STARD13: variants seen among roughly 807,000 people sequenced by gnomAD.
STARD13 encodes the protein stAR-related lipid transfer protein 13.
STARD13 carries 62 observed loss-of-function variants against 106.4 expected under a neutral mutation model. The observed-to-expected ratio is 0.58, with a 90% CI of 0.48 to 0.72. The LOEUF (loss-of-function observed/expected upper bound fraction) is 0.72. Ranked by LOEUF, STARD13 falls within the 30% of genes least tolerant of loss-of-function variation. The pLI is 0.00. For missense variants in STARD13, 1,387 were observed against 1,424.0 expected, an observed-to-expected ratio of 0.97 and a Z score of 0.42; for synonymous variants, 565 against 553.0, an observed-to-expected ratio of 1.02 and a Z score of -0.31.
chr13:33,336,973 C>G (rs185710649), intron 1 of STARD13, among the ~76,000 whole-genome samples: 9 of 152,012 alleles, frequency 5.9e-5, no homozygotes, highest in Admixed American at 5.9e-4. Flanking sequence ...CATAATACTT[C>G]ACATTAAATA....
In STARD13 at chr13:33,220,232, T is replaced by C. The variant is rs183351027; in HGVS notation, c.170-52610A>G. ...AGCAAACTGAATGGCTAGAAAACTT[T>C]ACACAATAATAAGGGAATGAATTTC... On this transcript the variant is annotated intron_variant, in intron 1 of 13. Coordinates refer to ENST00000336934, the MANE Select transcript of STARD13 (RefSeq NM_178006.4). 1.0e-3 allele frequency among the ~76,000 whole-genome samples: 154 copies of C among 151,280 alleles called. No individual in the cohort carries two copies. In the East Asian group the frequency reaches 0.012, roughly 12 times the overall value.
the STARD13 span, among the ~76,000 whole-genome samples, chr13:33,380,028 C>T: frequency 6.6e-6 from 1 of 152,206 alleles, no homozygotes; most frequent in East Asian, 1.9e-4. Flanking sequence ...AAAATAAATG[C>T]ATGCAAGACA....
intron 1 of STARD13, among the ~76,000 whole-genome samples, chr13:33,226,542 C>T (rs999798138): frequency 1.3e-5 from 2 of 148,718 alleles, no homozygotes; most frequent in East Asian, 4.0e-4. Context: ...TCAAGTGATT[C>T]TGCTGCCTTG....
At position 33,184,393 on chromosome 13, in the gene STARD13, G is replaced by A. The variant is rs894627324; in HGVS notation, c.170-16771C>T. On this transcript the variant is annotated intron_variant, in intron 1 of 13. Coordinates refer to ENST00000336934, the MANE Select transcript of STARD13 (RefSeq NM_178006.4). Reference sequence around the variant, plus strand: ...CTGCTGCTGCTGATGGTTGATGGCCGTTGTTGATTTTCAGAGAAAGAAAAG... The same window carrying A: ...CTGCTGCTGCTGATGGTTGATGGCCATTGTTGATTTTCAGAGAAAGAAAAG... 7.9e-5 allele frequency among the ~76,000 whole-genome samples: 12 copies of A among 152,158 alleles called. 1 individual carries two copies. The highest frequency in any genetic ancestry group is 7.2e-4 in the Admixed American group (11 of 15,264).
In STARD13 at chr13:33,211,230, T is replaced by G. The variant is rs571198511; in HGVS notation, c.170-43608A>C. 2.6e-3 allele frequency among the ~76,000 whole-genome samples: 394 copies of G among 151,138 alleles called. 4 individuals are homozygous for G. Among genetic ancestry groups the G allele is most frequent in the African/African-American group, 9.2e-3 (383 of 41,430 alleles). On this transcript the variant is annotated intron_variant, in intron 1 of 13. Coordinates refer to ENST00000336934, the MANE Select transcript of STARD13 (RefSeq NM_178006.4). ...AATATTACATAAAACATGAAAGATATTAAAATAAAAATATTATTTAAAATA... is the reference window on the plus strand; with the variant it reads ...AATATTACATAAAACATGAAAGATAGTAAAATAAAAATATTATTTAAAATA...
At chr13:33,645,688 C>G in the STARD13 span, among the ~76,000 whole-genome samples, 7 of 152,160 alleles carry the variant, frequency 4.6e-5, no homozygotes, top group Non-Finnish European at 8.8e-5. Context: ...GCCATGTGAA[C>G]AGCAGGTGTT....
chr13:33,654,954 A>T, the STARD13 span: 3 of 152,318 alleles, frequency 2.0e-5, no homozygotes, highest in East Asian at 5.8e-4. Flanking sequence ...TCATGGTGTG[A>T]CTTATTTCTC....
At chr13:33,574,280 C>T in the STARD13 span, among the ~76,000 whole-genome samples, 5 of 152,058 alleles carry the variant, frequency 3.3e-5, no homozygotes, top group Non-Finnish European at 5.9e-5. Context: ...ATATAAAAAT[C>T]GACAAACTTT....
At position 33,255,106 on chromosome 13, in the gene STARD13, C is replaced by A. The variant is rs866111790; in HGVS notation, c.169+30364G>T. On this transcript the variant is annotated intron_variant, in intron 1 of 13. Transcript: ENST00000336934. ...CCTGTCCATCTGTGTGCTCCCCCCCCCCTCAGAGGCTTGATCAGGTTCAGA... is the reference window on the plus strand; with the variant it reads ...CCTGTCCATCTGTGTGCTCCCCCCCACCTCAGAGGCTTGATCAGGTTCAGA... 2.9e-3 allele frequency among the ~76,000 whole-genome samples: 419 copies of A among 144,958 alleles called. 1 individual carries two copies. Among genetic ancestry groups the A allele is most frequent in the Admixed American group, 5.6e-3 (84 of 15,012 alleles).
the STARD13 span, among the ~76,000 whole-genome samples, chr13:33,445,604 C>T: frequency 6.6e-6 from 1 of 151,850 alleles, no homozygotes; most frequent in Non-Finnish European, 1.5e-5. Context: ...ATACCTGAGG[C>T]TATATATATA....
chr13:33,419,724 C>G, the STARD13 span, among the ~76,000 whole-genome samples: 1 of 152,166 alleles, frequency 6.6e-6, no homozygotes, highest in Non-Finnish European at 1.5e-5. Flanking sequence ...CGGGTTACCC[C>G]CAAAGGGAAG....
At chr13:33,125,593 T>G (rs1305144375) in intron 7 of STARD13, among the ~76,000 whole-genome samples, 1 of 151,942 alleles carries the variant, frequency 6.6e-6, no homozygotes, top group Non-Finnish European at 1.5e-5. Context: ...TGCACATTTT[T>G]AAAAGATGTA....
At chr13:33,261,878 C>T (rs1008326678) in intron 1 of STARD13, among the ~76,000 whole-genome samples, 10 of 152,120 alleles carry the variant, frequency 6.6e-5, no homozygotes, top group South Asian at 4.1e-4. Context: ...ACTGTATGCA[C>T]GGGTTGCTTG....
At chr13:33,378,150 C>T in the STARD13 span, among the ~76,000 whole-genome samples, 2 of 152,250 alleles carry the variant, frequency 1.3e-5, no homozygotes, top group East Asian at 3.9e-4. Flanking sequence ...GTGGTGTTCT[C>T]AGGGAAGTGG....
At chr13:33,185,935 C>G (rs754825496) in intron 1 of STARD13, 4 of 1,614,242 alleles carry the variant, frequency 2.5e-6, no homozygotes, top group Non-Finnish European at 2.5e-6. Context: ...CAGACAGTGT[C>G]TTTGCATTCT....
the STARD13 span, among the ~76,000 whole-genome samples, chr13:33,541,335 C>T: frequency 6.6e-6 from 1 of 152,154 alleles, no homozygotes; most frequent in African/African-American, 2.4e-5. Context: ...CAGCTCTGAC[C>T]TCTTTCACGT....
the STARD13 span, among the ~76,000 whole-genome samples, chr13:33,370,838 C>T: frequency 6.6e-6 from 1 of 151,950 alleles, no homozygotes; most frequent in African/African-American, 2.4e-5. Context: ...CCACGCTGGT[C>T]TTGAACTCCT....
At position 33,112,817 on chromosome 13, in the gene STARD13, A is replaced by G; in HGVS notation, c.2396T>C (p.Leu799Ser). The change falls in exon 9 of 14, where the codon TTG becomes TCG. Residue 799 changes from leucine (L) to serine (S), a missense_variant. Leu to Ser is a moderately radical substitution (Grantham distance 145). Coordinates refer to ENST00000336934, the MANE Select transcript of STARD13 (RefSeq NM_178006.4). ...LLCFLNDVVN[L>S]VEENQMTPMN... ...GGGCGTCATCTGATTCTCTTCCACC[A>G]AGTTGACGACGTCGTTCAGGAAACA... is the stretch of plus-strand genomic sequence containing the variant. The G allele has an allele frequency of 6.2e-7, 1 of 1,613,934 alleles. No homozygotes were observed.
chr13:33,585,761 G>T, the STARD13 span, among the ~76,000 whole-genome samples: 5 of 152,196 alleles, frequency 3.3e-5, no homozygotes, highest in Non-Finnish European at 7.3e-5. Flanking sequence ...AAAAAGGAGA[G>T]AAATTCAAAT....
Sources: gnomAD v4.1 joint callset for allele counts (sites outside exome capture counted in the v4.1 genomes callset) on GRCh38, gnomAD v4.1.1 for gene constraint, MANE v1.5 for transcripts, NCBI Gene and HGNC (gene_info 2026-07-23, HGNC 2026-07-21) for gene names.